Variants in PIP5K1B observed in about 807,000 individuals in gnomAD.
PIP5K1B encodes phosphatidylinositol 4-phosphate 5-kinase type-1 beta.
In PIP5K1B, 42 loss-of-function variants were observed where a neutral mutation model predicts 67.0. The ratio of observed to expected loss-of-function variants is 0.63; its 90% CI spans 0.49 to 0.81. The LOEUF (loss-of-function observed/expected upper bound fraction) is 0.81. PIP5K1B is among the 30% of genes least tolerant of loss of function. The pLI is 0.00. For synonymous variants in PIP5K1B, 214 were observed against 231.4 expected (o/e 0.92, Z 0.68); for missense variants, 459 against 646.3 (o/e 0.71, Z 3.14).
chr9:68,990,178 C>G (rs1265633085), intron 14 of PIP5K1B, among the ~76,000 whole-genome samples: 1 of 152,150 alleles, frequency 6.6e-6, no homozygotes. Flanking sequence ...ACACAGTGCT[C>G]TGTGTTTATG....
Position 69,008,457 on chromosome 9 carries a change from T to C in PIP5K1B, c.*8T>C, listed in dbSNP as rs751697611. The stretch of plus-strand genomic sequence containing the variant: ...TTTTGCTCCCCCCAGTAAGTGAAAA[T>C]GGTGATCACCTAAGCACATGGATGA... On this transcript the variant is annotated 3_prime_UTR_variant, in exon 16 of 16. Coordinates refer to ENST00000265382, the MANE Select transcript of PIP5K1B (RefSeq NM_003558.4). 14 of 1,613,704 alleles carry C rather than the reference T, an allele frequency of 8.7e-6. No homozygotes were observed. Among genetic ancestry groups the C allele is most frequent in the Non-Finnish European group, 1.2e-5 (14 of 1,179,752 alleles).
intron 4 of PIP5K1B, among the ~76,000 whole-genome samples, chr9:68,855,196 C>T (rs1822704080): frequency 6.6e-6 from 1 of 152,234 alleles, no homozygotes; most frequent in African/African-American, 2.4e-5. Context: ...ACTCTCTTTT[C>T]TTGGTTTCAG....
intron 2 of PIP5K1B, among the ~76,000 whole-genome samples, chr9:68,762,496 A>G (rs574364819): frequency 2.0e-5 from 3 of 152,248 alleles, no homozygotes; most frequent in African/African-American, 4.8e-5. Context: ...TGCCACATCT[A>G]TTTGCAGATT....
intron 5 of PIP5K1B, among the ~76,000 whole-genome samples, chr9:68,873,291 T>TC (rs1302404147): frequency 2.7e-5 from 4 of 146,962 alleles, no homozygotes. Flanking sequence ...CTTTTTTTTT[T>TC]TTTTTTTTTT....
chr9:68,803,194 G>A (rs1014081977), intron 2 of PIP5K1B, among the ~76,000 whole-genome samples: 8 of 152,148 alleles, frequency 5.3e-5, no homozygotes, highest in Admixed American at 2.6e-4. Flanking sequence ...TCTTTGAGCT[G>A]GATGGGATAC....
At chr9:68,970,184 A>G (rs1483819441) in intron 14 of PIP5K1B, among the ~76,000 whole-genome samples, 1 of 152,206 alleles carries the variant, frequency 6.6e-6, no homozygotes, top group African/African-American at 2.4e-5. Flanking sequence ...GTTATAAAGG[A>G]TGATGGTAAC....
At chr9:68,990,642 A>C (rs1413066772) in intron 14 of PIP5K1B, among the ~76,000 whole-genome samples, 1 of 146,266 alleles carries the variant, frequency 6.8e-6, no homozygotes, top group Non-Finnish European at 1.5e-5. Flanking sequence ...GAGAGAGAAA[A>C]TGCACTTCTA....
intron 14 of PIP5K1B, among the ~76,000 whole-genome samples, chr9:68,950,260 C>A (rs1827993966): frequency 1.3e-5 from 2 of 152,150 alleles, no homozygotes; most frequent in Admixed American, 1.3e-4. Context: ...CCACTGACTC[C>A]CCCTCTTTGC....
At chr9:68,805,199 G>C (rs1239983841) in intron 2 of PIP5K1B, among the ~76,000 whole-genome samples, 2 of 152,208 alleles carry the variant, frequency 1.3e-5, no homozygotes, top group Admixed American at 1.3e-4. Context: ...ACACTTGAGA[G>C]GGAGCATGTG....
intron 14 of PIP5K1B, among the ~76,000 whole-genome samples, chr9:68,963,745 C>T (rs1195919688): frequency 6.6e-6 from 1 of 152,094 alleles, no homozygotes; most frequent in Non-Finnish European, 1.5e-5. Flanking sequence ...GCCTGAAATT[C>T]CACATTTCAG....
intron 8 of PIP5K1B, among the ~76,000 whole-genome samples, chr9:68,898,936 A>G (rs746235123): frequency 6.6e-6 from 1 of 152,196 alleles, no homozygotes; most frequent in Non-Finnish European, 1.5e-5. Flanking sequence ...TGATCAGAAG[A>G]CTTAACACTC....
intron 15 of PIP5K1B, among the ~76,000 whole-genome samples, chr9:68,996,680 A>T (rs970174211): frequency 3.3e-5 from 5 of 152,206 alleles, no homozygotes; most frequent in Admixed American, 2.6e-4. Flanking sequence ...TCTTTGCCTG[A>T]TGTAGAATGC....
At chr9:68,793,430 A>G (rs1368973344) in intron 2 of PIP5K1B, among the ~76,000 whole-genome samples, 1 of 152,154 alleles carries the variant, frequency 6.6e-6, no homozygotes, top group Non-Finnish European at 1.5e-5. Context: ...GTAAGAGATG[A>G]TGATAGCTTG....
At chr9:68,746,076 C>CTTTTTTTTTT (rs11306038) in intron 2 of PIP5K1B, among the ~76,000 whole-genome samples, 1 of 107,100 alleles carries the variant, frequency 9.3e-6, no homozygotes, top group African/African-American at 3.6e-5. Context: ...TGTGTTAACT[C>CTTTTTTTTTT]TTTTTTTTTT....
At chr9:68,783,088 C>T (rs1831391852) in intron 2 of PIP5K1B, 1 of 167,004 alleles carries the variant, frequency 6.0e-6, no homozygotes, top group Non-Finnish European at 1.5e-5. Context: ...CTTTATACTG[C>T]CTCTTGAGTA....
chr9:68,991,960 CA>C lies in PIP5K1B; in HGVS notation c.1620+712del, dbSNP rs926465815. The stretch of plus-strand genomic sequence containing the variant: ...TATGCTACGTCTTTGTATGCCTGCA[CA>C]AAAAAAAATTTTTTTTGGGGGGGGG... On this transcript the variant is annotated intron_variant, in intron 15 of 15. Coordinates refer to ENST00000265382, the MANE Select transcript of PIP5K1B (RefSeq NM_003558.4). Among the ~76,000 whole-genome samples, 27 of 149,078 alleles carry C rather than the reference CA, an allele frequency of 1.8e-4. No homozygotes were observed. In the East Asian group the frequency reaches 3.1e-3, roughly 17 times the overall value.
intron 2 of PIP5K1B, among the ~76,000 whole-genome samples, chr9:68,751,010 A>G (rs1416270810): frequency 6.6e-6 from 1 of 152,212 alleles, no homozygotes; most frequent in Non-Finnish European, 1.5e-5. Context: ...AAGTTAAGCC[A>G]TGTGGCTTTG....
chr9:68,993,174 A>G (rs1166210334), intron 15 of PIP5K1B, among the ~76,000 whole-genome samples: 2 of 150,924 alleles, frequency 1.3e-5, no homozygotes, highest in Non-Finnish European at 3.0e-5. Context: ...AAAAAAAAAA[A>G]GTCCTCCAGG....
intron 8 of PIP5K1B, among the ~76,000 whole-genome samples, chr9:68,908,431 AGT>A (rs1825715883): frequency 6.6e-6 from 1 of 151,304 alleles, no homozygotes; most frequent in Non-Finnish European, 1.5e-5. Flanking sequence ...GCTATTTTTA[AGT>A]GTGGAAAAAA....
Sources: gnomAD v4.1 joint callset for allele counts (sites outside exome capture counted in the v4.1 genomes callset) on GRCh38, gnomAD v4.1.1 for gene constraint, MANE v1.5 for transcripts, NCBI Gene and HGNC (gene_info 2026-07-23, HGNC 2026-07-21) for gene names.